ANKRD13D: variants seen among roughly 807,000 people sequenced by gnomAD.
The protein encoded by ANKRD13D is ankyrin repeat domain-containing protein 13D.
ANKRD13D carries 24 observed loss-of-function variants against 68.8 expected under a neutral mutation model. The ratio of observed to expected loss-of-function variants is 0.35; its 90% CI spans 0.25 to 0.49. The LOEUF (loss-of-function observed/expected upper bound fraction) is 0.49, where lower values mean the gene tolerates loss of function less well. ANKRD13D is among the 20% of genes least tolerant of loss of function. The pLI, the probability that ANKRD13D is intolerant of heterozygous loss-of-function variation, is 0.99. For synonymous variants in ANKRD13D, 331 were observed against 336.1 expected, an observed-to-expected ratio of 0.98 and a Z score of 0.16; for missense variants, 735 against 832.1, an observed-to-expected ratio of 0.88 and a Z score of 1.44.
chr11:67,289,985 T>C, intron 1 of ANKRD13D, 93 bp from the exon 2 acceptor site: 5 of 1,466,824 alleles, frequency 3.4e-6, no homozygotes, highest in Non-Finnish European at 4.5e-6. Flanking sequence ...CCGTCCTTAT[T>C]TCCCACAGCG....
chr11:67,289,918 C>G, intron 1 of ANKRD13D, 160 bp from the exon 2 acceptor site: 2 of 1,443,396 alleles, frequency 1.4e-6, no homozygotes, highest in Non-Finnish European at 9.1e-7. Context: ...CTCCTGCCCC[C>G]TCCTCTCCCC....
At chr11:67,290,568 G>A in intron 3 of ANKRD13D, 122 bp downstream of exon 3, 1 of 1,419,160 alleles carries the variant, frequency 7.0e-7, no homozygotes, top group Middle Eastern at 2.6e-4. Context: ...CACCAGCAAG[G>A]AGGTCTGTCT....
In ANKRD13D at chr11:67,302,235, A is replaced by G. The variant is rs1861040669; in HGVS notation, c.1721A>G (p.Glu574Gly). Residue 574 changes from glutamate (E) to glycine (G), a missense_variant, in exon 15 of 15, where the codon GAG becomes GGG. Transcript: ENST00000511455. ...GAAGAGCAGCTGCGCCTGGCCCTGG[A>G]GTTGTCTTCACGGGAGCAGGAGGAG... ...SFEEQLRLAL[E>G]LSSREQEERE... 2 of 1,576,658 alleles carry G rather than the reference A, an allele frequency of 1.3e-6. No individual in the cohort carries two copies. The highest frequency in any genetic ancestry group is 1.9e-4 in the Middle Eastern group (1 of 5,360).
At chr11:67,292,250 G>A in intron 6 of ANKRD13D, 70 bp downstream of exon 6, 1 of 1,472,168 alleles carries the variant, frequency 6.8e-7, no homozygotes, top group East Asian at 2.3e-5. Flanking sequence ...AATGAGGGCA[G>A]GGCGATCCTT....
chr11:67,292,430 A>G (rs1344987413), intron 6 of ANKRD13D, among the ~76,000 whole-genome samples: 2 of 152,104 alleles, frequency 1.3e-5, no homozygotes, highest in African/African-American at 2.4e-5. Flanking sequence ...TTCTGACCTC[A>G]TATGTTTTCC....
chr11:67,293,944 T>G (rs1273210854), intron 6 of ANKRD13D, among the ~76,000 whole-genome samples: 1 of 152,220 alleles, frequency 6.6e-6, no homozygotes, highest in Non-Finnish European at 1.5e-5. Context: ...GAAGGTTCTT[T>G]TGCATGTGAC....
At position 67,294,618 on chromosome 11, in the gene ANKRD13D, G is replaced by A. The variant is rs1165958007; in HGVS notation, c.731+2438G>A. On this transcript the variant is annotated intron_variant, in intron 6 of 14. Transcript: ENST00000511455. ...TGCAGTGGCACAATCTAGGCTCACT[G>A]CAACCTCCACCTCCTGGGTTCAAGC... Among the ~76,000 whole-genome samples the A allele has an allele frequency of 4.0e-5, 6 of 150,804 alleles. No individual in the cohort carries two copies. In the East Asian group the frequency reaches 1.2e-3, roughly 29 times the overall value.
intron 1 of ANKRD13D, 63 bp from the exon 2 acceptor site, chr11:67,290,015 C>T (rs1309108490): frequency 4.0e-6 from 6 of 1,497,004 alleles, no homozygotes; most frequent in African/African-American, 2.8e-5. Context: ...CCTGCTCGCC[C>T]TGGCAGCCTC....
chr11:67,289,555 G>C lies in ANKRD13D; in HGVS notation c.90+5G>C, dbSNP rs1332395964. ...GCCGCACTGCACAGCCACCAGGTGA[G>C]GCCCCGCTGGGGCACCCGGCCCTTC... On this transcript the variant is annotated splice_donor_5th_base_variant and intron_variant, in intron 1 of 14. Transcript: ENST00000511455. 2 of 1,522,612 alleles carry C rather than the reference G, an allele frequency of 1.3e-6. No individual in the cohort carries two copies. 94.3% of individuals were successfully genotyped at this position (1,522,612 alleles called of 1,614,324 possible).
rs773807360 is a variant in ANKRD13D at position 67,290,309 on chromosome 11, C to T, written c.227-13C>T. On this transcript the variant is annotated splice_polypyrimidine_tract_variant and intron_variant, in intron 2 of 14. Transcript: ENST00000511455. ...CATCTGGAGGGCTCCCCTCAGCAGC[C>T]TGGTGCCCGCAGTCCTGCAGGAGGC... 5.2e-6 allele frequency: 8 copies of T among 1,548,876 alleles called. No homozygotes were observed. The highest frequency in any genetic ancestry group is 7.0e-6 in the Non-Finnish European group (8 of 1,145,846).
At chr11:67,295,752 A>C (rs1192379632) in intron 6 of ANKRD13D, among the ~76,000 whole-genome samples, 1 of 152,158 alleles carries the variant, frequency 6.6e-6, no homozygotes, top group African/African-American at 2.4e-5. Flanking sequence ...TAAATAAATA[A>C]ATAAAAAAGA....
rs1277616468 is a variant in ANKRD13D at position 67,301,716 on chromosome 11, G to A, written c.1513-16G>A. The A allele has an allele frequency of 2.1e-5, 34 of 1,611,234 alleles. No individual in the cohort carries two copies. The highest frequency in any genetic ancestry group is 3.3e-4 in the Middle Eastern group (2 of 6,078). On this transcript the variant is annotated splice_polypyrimidine_tract_variant and intron_variant, in intron 13 of 14. Coordinates refer to ENST00000511455, the MANE Select transcript of ANKRD13D (RefSeq NM_207354.3). The surrounding 1 kb of genome is among the most constrained non-coding windows in gnomAD (Gnocchi z 4.5). The stretch of plus-strand genomic sequence containing the variant: ...CACACGGCAGAAGTGACAGCTGTGG[G>A]CTCTGGTGGCTGCAGGTGACCGTCT...
At chr11:67,292,566 A>G (rs1860608721) in intron 6 of ANKRD13D, among the ~76,000 whole-genome samples, 1 of 152,124 alleles carries the variant, frequency 6.6e-6, no homozygotes, top group Non-Finnish European at 1.5e-5. Context: ...CCCTTCCAGC[A>G]AGAGTTTCTC....
Position 67,289,843 on chromosome 11 carries a change from C to G in ANKRD13D, c.91-235C>G, listed in dbSNP as rs1272707438. 29 of 1,425,444 alleles carry G rather than the reference C, an allele frequency of 2.0e-5. No homozygotes were observed. In the East Asian group the frequency reaches 6.7e-4, roughly 33 times the overall value. 88.3% of individuals were successfully genotyped at this position (1,425,444 alleles called of 1,614,324 possible). On this transcript the variant is annotated intron_variant, in intron 1 of 14. Transcript: ENST00000511455. ...CTGGTCCCCAGGTTCCGCCAAACTC[C>G]TGACAACCTGCAGCTCTGCCTGACC...
intron 3 of ANKRD13D, chr11:67,291,232 C>T: frequency 3.9e-6 from 2 of 515,218 alleles, no homozygotes; most frequent in South Asian, 4.7e-5. Context: ...TGGCACACAC[C>T]TGTGGTCCCA....
chr11:67,297,020 T>G (rs1030208241), intron 6 of ANKRD13D, among the ~76,000 whole-genome samples: 1 of 152,140 alleles, frequency 6.6e-6, no homozygotes, highest in Admixed American at 6.6e-5. Flanking sequence ...GTTTCATTAA[T>G]TTTCTCTATT....
Position 67,300,041 on chromosome 11 carries a change from C to T in ANKRD13D, c.991C>T (p.Pro331Ser), listed in dbSNP as rs139609922. ...CCCCACCAACCCCACAGCCATCTCC[C>T]CTGAGGAGTACTTCGACCCCAACTT... Reference protein sequence around the residue: ...ASPTNPTAISPEEYFDPNFSL... With the variant: ...ASPTNPTAISSEEYFDPNFSL... The change falls in exon 10 of 15, where the codon CCT becomes TCT. Residue 331 changes from proline (P) to serine (S), a missense_variant. By Grantham distance (74) the Pro-to-Ser change is moderately conservative. Transcript: ENST00000511455. The surrounding 1 kb of genome is among the most constrained non-coding windows in gnomAD (Gnocchi z 4.3). The T allele has an allele frequency of 1.9e-6, 3 of 1,613,970 alleles. No individual in the cohort carries two copies. The highest frequency in any genetic ancestry group is 2.7e-5 in the African/African-American group (2 of 74,918).
chr11:67,290,390 C>A lies in ANKRD13D; in HGVS notation c.295C>A (p.Gln99Lys), dbSNP rs1291152852. Reference protein sequence around the residue: ...VQLVLQYRDYQRATQRLAGIP... With the variant: ...VQLVLQYRDYKRATQRLAGIP... Reference sequence around the variant, plus strand: ...GCTGGTGCTCCAGTATCGGGACTACCAGAGGGCCACGCAGAGGCTGGCGGG... The same window carrying A: ...GCTGGTGCTCCAGTATCGGGACTACAAGAGGGCCACGCAGAGGCTGGCGGG... Residue 99 changes from glutamine to lysine, a missense_variant, in exon 3 of 15, where the codon CAG becomes AAG. Transcript: ENST00000511455. The A allele has an allele frequency of 1.3e-6, 2 of 1,592,554 alleles. No homozygotes were observed. Among genetic ancestry groups the A allele is most frequent in the African/African-American group, 2.7e-5 (2 of 74,712 alleles).
chr11:67,297,175 T>A (rs1405344030), intron 6 of ANKRD13D, among the ~76,000 whole-genome samples: 1 of 152,202 alleles, frequency 6.6e-6, no homozygotes, highest in African/African-American at 2.4e-5. Context: ...TTTCTTAATA[T>A]AGGCATTCAC....
Sources: allele counts gnomAD v4.1 joint callset (sites outside exome capture counted in the v4.1 genomes callset), GRCh38; gene constraint gnomAD v4.1.1; non-coding constraint Gnocchi (gnomAD v3.1); transcripts MANE v1.5; gene names NCBI Gene and HGNC (gene_info 2026-07-23, HGNC 2026-07-21).